Variants in ENPP1 observed in about 807,000 individuals in gnomAD.
The protein encoded by ENPP1 is ectonucleotide pyrophosphatase/phosphodiesterase 1.
Under a neutral mutation model 122.8 loss-of-function variants are expected in ENPP1, and 73 were observed. The ratio of observed to expected loss-of-function variants is 0.59; its 90% confidence interval spans 0.49 to 0.72. ENPP1 has a LOEUF of 0.72. Among genes scored for constraint, ENPP1 ranks in the 30% least tolerant of loss-of-function variants. The pLI is 0.00. For synonymous variants in ENPP1, 367 were observed against 391.6 expected (o/e 0.94, Z 0.74); for missense variants, 978 against 1,128.1 (o/e 0.87, Z 1.91).
At chr6:131,853,140 A>G (rs187377291) in intron 5 of ENPP1, among the ~76,000 whole-genome samples, 11 of 152,258 alleles carry the variant, frequency 7.2e-5, no homozygotes, top group Admixed American at 4.6e-4. Context: ...TTGTTCATGT[A>G]TGTAATTTTT....
intron 1 of ENPP1, chr6:131,827,611 C>A: frequency 1.7e-6 from 1 of 594,576 alleles, no homozygotes; most frequent in Non-Finnish European, 3.1e-6. Flanking sequence ...TTATGATGAG[C>A]ACAAAATGAC....
In ENPP1 at chr6:131,877,095, C is replaced by T; in HGVS notation, c.1827C>T (p.His609=). 3 of 1,614,024 alleles carry T rather than the reference C, an allele frequency of 1.9e-6. No individual in the cohort carries two copies. The highest frequency in any genetic ancestry group is 1.1e-5 in the South Asian group (1 of 91,072). ...VYTPKHPKEV[H]PLVQCPFTRN... is the part of the protein sequence containing the mutation. The stretch of plus-strand genomic sequence containing the variant: ...CGCCAAAGCATCCCAAAGAAGTGCA[C>T]CCCCTGGTACAGTGCCCCTTCACAA... Residue 609 remains histidine, a synonymous_variant, in exon 18 of 25, where the codon CAC becomes CAT. Coordinates refer to ENST00000647893, the MANE Select transcript of ENPP1 (RefSeq NM_006208.3).
chr6:131,864,086 A>G (rs1361221801), intron 9 of ENPP1, among the ~76,000 whole-genome samples: 1 of 152,184 alleles, frequency 6.6e-6, no homozygotes, highest in Non-Finnish European at 1.5e-5. Context: ...AGGAAGGCAT[A>G]TTCAATTCTG....
intron 16 of ENPP1, among the ~76,000 whole-genome samples, chr6:131,874,673 C>T (rs139092671): frequency 5.3e-5 from 8 of 152,140 alleles, no homozygotes; most frequent in African/African-American, 1.9e-4. Context: ...CCTAATCTAG[C>T]AATCCCACTA....
intron 23 of ENPP1, among the ~76,000 whole-genome samples, 160 bp from the exon 24 acceptor site, chr6:131,886,402 C>A (rs984262190): frequency 2.0e-5 from 3 of 152,192 alleles, no homozygotes; most frequent in Non-Finnish European, 4.4e-5. Context: ...TGCTCTCAAT[C>A]TGGCAGAGTA....
At position 131,847,856 on chromosome 6, in the gene ENPP1, G is replaced by GGT. The variant is rs59956343; in HGVS notation, c.313+45_313+46dup. 0.13 allele frequency: 147,487 copies of GGT among 1,167,908 alleles called. 2,987 individuals carry two copies. The highest frequency in any genetic ancestry group is 0.24 in the East Asian group (9,500 of 39,950). 72.3% of individuals were successfully genotyped at this position (1,167,908 alleles called of 1,614,324 possible). A position where few individuals can be genotyped will look rare whatever the true frequency, so the allele number is the denominator to read the frequency against. ...CAAGCTGTGCCAAAGAAGGTAATTA[G>GGT]GTGTGTGTGTGTGTGTGTGTGTGTG... On this transcript the variant is annotated intron_variant, in intron 2 of 24. Transcript: ENST00000647893.
intron 22 of ENPP1, among the ~76,000 whole-genome samples, chr6:131,884,388 G>T (rs1051190350): frequency 6.6e-6 from 1 of 152,162 alleles, no homozygotes; most frequent in Non-Finnish European, 1.5e-5. Flanking sequence ...ACTTGTTCAG[G>T]GATGTCTCAA....
chr6:131,883,005 A>G (rs1462134039), intron 21 of ENPP1, among the ~76,000 whole-genome samples: 1 of 152,208 alleles, frequency 6.6e-6, no homozygotes, highest in African/African-American at 2.4e-5. Flanking sequence ...AGAGGCTTAC[A>G]TATGCTTGCT....
chr6:131,865,197 C>G (rs1782073974), intron 11 of ENPP1, among the ~76,000 whole-genome samples: 1 of 152,152 alleles, frequency 6.6e-6, no homozygotes, highest in African/African-American at 2.4e-5. Flanking sequence ...AAGCCTTTAT[C>G]CACTCCATCG....
In ENPP1 at chr6:131,891,292, T is replaced by C. The variant is rs1329795993; in HGVS notation, c.*781T>C. 6.6e-6 allele frequency: 1 copy of C among 152,234 alleles called. No individual in the cohort carries two copies. Among genetic ancestry groups the C allele is most frequent in the African/African-American group, 2.4e-5 (1 of 41,464 alleles). The allele number at this position is 152,234 out of a possible 1,614,324, so 9.4% of individuals were successfully genotyped here. ...CTTCAAATGTGGCCCTATAGACGGT[T>C]AAAATTGTACCTTATCTTGGCAAAA... On this transcript the variant is annotated 3_prime_UTR_variant, in exon 25 of 25. Coordinates refer to ENST00000647893, the MANE Select transcript of ENPP1 (RefSeq NM_006208.3).
At chr6:131,872,829 T>G in intron 14 of ENPP1, 94 bp from the exon 15 acceptor site, 2 of 1,231,646 alleles carry the variant, frequency 1.6e-6, no homozygotes, top group Non-Finnish European at 2.3e-6. Context: ...ATTAGGGAAA[T>G]ATCTTTCCCT....
At chr6:131,827,229 T>G (rs1305382771) in intron 1 of ENPP1, 4 of 956,110 alleles carry the variant, frequency 4.2e-6, no homozygotes, top group African/African-American at 1.6e-5. Flanking sequence ...GAGGTTGATC[T>G]GTTTCAGTTT....
At chr6:131,836,924 T>C (rs1048864507) in intron 1 of ENPP1, among the ~76,000 whole-genome samples, 6 of 152,208 alleles carry the variant, frequency 3.9e-5, no homozygotes, top group African/African-American at 1.2e-4. Flanking sequence ...CTTAGCTTGC[T>C]TAGAGCTCAT....
chr6:131,811,382 C>A (rs9765982), intron 1 of ENPP1, among the ~76,000 whole-genome samples: 132 of 90,246 alleles, frequency 1.5e-3, no homozygotes, highest in African/African-American at 5.5e-3. Context: ...ATCTATATAT[C>A]TATATCTATA....
chr6:131,827,928 T>G, intron 1 of ENPP1: 1 of 1,095,516 alleles, frequency 9.1e-7, no homozygotes, highest in South Asian at 1.2e-5. Flanking sequence ...AGGTGGTCCG[T>G]GGAGAATCGA....
intron 1 of ENPP1, among the ~76,000 whole-genome samples, chr6:131,838,114 C>T (rs1178240062): frequency 1.3e-5 from 2 of 151,718 alleles, no homozygotes; most frequent in African/African-American, 2.4e-5. Flanking sequence ...TATATGTTGA[C>T]AACAGAATAA....
intron 1 of ENPP1, chr6:131,827,988 T>C: frequency 1.4e-6 from 1 of 720,098 alleles, no homozygotes; most frequent in South Asian, 1.3e-5. Context: ...AGCTGGTACC[T>C]GGGGTAGTGA....
intron 1 of ENPP1, among the ~76,000 whole-genome samples, chr6:131,841,975 C>G (rs1293524124): frequency 6.6e-6 from 1 of 152,204 alleles, no homozygotes; most frequent in African/African-American, 2.4e-5. Flanking sequence ...CTCCACTGAC[C>G]GCCCGCAGGC....
At chr6:131,828,129 G>C (rs1366828906) in intron 1 of ENPP1, 1 of 582,406 alleles carries the variant, frequency 1.7e-6, no homozygotes, top group Non-Finnish European at 3.4e-6. Flanking sequence ...TGTCAGTGGA[G>C]GTCGTTCTGG....
Sources: allele counts gnomAD v4.1 joint callset (sites outside exome capture counted in the v4.1 genomes callset), GRCh38; gene constraint gnomAD v4.1.1; transcripts MANE v1.5; gene names NCBI Gene and HGNC (gene_info 2026-07-23, HGNC 2026-07-21).